Variants in JARID2 observed in about 807,000 individuals in gnomAD.
The protein encoded by JARID2 is jumonji and AT-rich interaction domain containing 2.
Under a neutral mutation model 125.6 loss-of-function variants are expected in JARID2, and 21 were observed. That is an observed-to-expected ratio of 0.17 (90% CI 0.12 to 0.24). The LOEUF is 0.24. JARID2 is among the 10% of genes least tolerant of loss of function. The probability of loss-of-function intolerance (pLI) is 1.00; values close to 1 mark genes in which losing one functional copy is unlikely to be tolerated. For synonymous variants in JARID2, 736 were observed against 661.6 expected (o/e 1.11, Z -1.73); for missense variants, 1,303 against 1,639.6 (o/e 0.79, Z 3.55).
At chr6:15,492,618 G>A (rs576398519) in intron 6 of JARID2, among the ~76,000 whole-genome samples, 1 of 152,322 alleles carries the variant, frequency 6.6e-6, no homozygotes, top group East Asian at 1.9e-4. Flanking sequence ...GGTGGTGCTG[G>A]CTGGGTTGTT....
At chr6:15,362,508 G>T (rs1364656963) in intron 1 of JARID2, among the ~76,000 whole-genome samples, 1 of 152,200 alleles carries the variant, frequency 6.6e-6, no homozygotes, top group Non-Finnish European at 1.5e-5. Context: ...TGGACACGGG[G>T]TCTGACGATG....
intron 3 of JARID2, among the ~76,000 whole-genome samples, chr6:15,441,991 A>C (rs533472302): frequency 6.6e-6 from 1 of 152,088 alleles, no homozygotes; most frequent in African/African-American, 2.4e-5. Context: ...CATGTTAGTC[A>C]GGCTGGTCTC....
chr6:15,406,126 C>T (rs954795706), intron 2 of JARID2, among the ~76,000 whole-genome samples: 4 of 152,132 alleles, frequency 2.6e-5, no homozygotes, highest in Non-Finnish European at 4.4e-5. Context: ...CTTGCGCCTT[C>T]GTAAGGGCCA....
At chr6:15,352,372 G>T (rs900992325) in intron 1 of JARID2, among the ~76,000 whole-genome samples, 2 of 152,038 alleles carry the variant, frequency 1.3e-5, no homozygotes, top group African/African-American at 4.8e-5. Flanking sequence ...GCTGTTTCCT[G>T]ATAACGTGCA....
chr6:15,499,405 G>A (rs1321250550), intron 7 of JARID2, among the ~76,000 whole-genome samples: 1 of 152,216 alleles, frequency 6.6e-6, no homozygotes, highest in Non-Finnish European at 1.5e-5. Context: ...AGGATTCCAT[G>A]AAGAATTCTT....
chr6:15,457,870 C>T (rs986990484), intron 4 of JARID2, among the ~76,000 whole-genome samples: 6 of 152,154 alleles, frequency 3.9e-5, no homozygotes, highest in African/African-American at 1.4e-4. Context: ...AAATCTAAAA[C>T]AAATTTGTTT....
chr6:15,463,287 A>AG (rs924434844), intron 4 of JARID2, among the ~76,000 whole-genome samples: 1 of 152,196 alleles, frequency 6.6e-6, no homozygotes, highest in Non-Finnish European at 1.5e-5. Context: ...GAGTTTGTAA[A>AG]GGAGTGATAT....
chr6:15,392,528 G>A (rs970703267), intron 2 of JARID2, among the ~76,000 whole-genome samples: 1 of 152,104 alleles, frequency 6.6e-6, no homozygotes, highest in African/African-American at 2.4e-5. Flanking sequence ...CTGCAGACAT[G>A]TTGGTCAGCA....
chr6:15,454,665 G>A (rs1366950977), intron 4 of JARID2, among the ~76,000 whole-genome samples: 2 of 148,396 alleles, frequency 1.3e-5, no homozygotes, highest in Non-Finnish European at 3.0e-5. Context: ...TTTTTTGGTA[G>A]AGAAGGAGTC....
chr6:15,288,304 G>A (rs1448384944), intron 1 of JARID2, among the ~76,000 whole-genome samples: 1 of 131,810 alleles, frequency 7.6e-6, no homozygotes, highest in African/African-American at 3.0e-5. Flanking sequence ...GTCAGGAGGT[G>A]GGGGTTGGAG....
chr6:15,248,706 G>A (rs989707574), intron 1 of JARID2: 2 of 159,786 alleles, frequency 1.3e-5, no homozygotes, highest in Non-Finnish European at 2.7e-5. Flanking sequence ...CGCGGCGCTC[G>A]GTTCCCCGAC....
In JARID2 at chr6:15,370,518, C is replaced by G. The variant is rs1207149093; in HGVS notation, c.46-3599C>G. 2.6e-5 allele frequency among the ~76,000 whole-genome samples: 4 copies of G among 151,706 alleles called. No individual in the cohort carries two copies. The East Asian group carries it at 7.8e-4, about 30-fold the overall frequency. Reference sequence around the variant, plus strand: ...ACGCCCGGCTAATATTTTGTATTTTCTTTTAGTAGAGACAGGGTTTCACCG... The same window carrying G: ...ACGCCCGGCTAATATTTTGTATTTTGTTTTAGTAGAGACAGGGTTTCACCG... On this transcript the variant is annotated intron_variant, in intron 1 of 17. Coordinates refer to ENST00000341776, the MANE Select transcript of JARID2 (RefSeq NM_004973.4).
rs1762413446 is a variant in JARID2, at chr6:15,323,141, TACGAAAC to T, written c.46-50975_46-50969del. Among the ~76,000 whole-genome samples, 11 of 152,376 alleles carry T rather than the reference TACGAAAC, an allele frequency of 7.2e-5. 1 individual carries two copies. The highest frequency in any genetic ancestry group is 2.6e-4 in the African/African-American group (11 of 41,598). The stretch of plus-strand genomic sequence containing the variant: ...GCTGTTTTTCTTTTGCACTCTGTGG[TACGAAAC>T]CTCTTAGCTCTGTGTGGGTGGTGGG... On this transcript the variant is annotated intron_variant, in intron 1 of 17. Transcript: ENST00000341776.
intron 1 of JARID2, among the ~76,000 whole-genome samples, chr6:15,366,824 G>GC (rs1763996897): frequency 6.6e-6 from 1 of 152,070 alleles, no homozygotes; most frequent in Non-Finnish European, 1.5e-5. Flanking sequence ...TCACCAGGTT[G>GC]TTATTTAAAA....
chr6:15,285,625 T>G (rs759256707), intron 1 of JARID2, among the ~76,000 whole-genome samples: 9 of 152,200 alleles, frequency 5.9e-5, no homozygotes, highest in Non-Finnish European at 1.2e-4. Flanking sequence ...ATTGCTTTCA[T>G]GCGTGGACTT....
chr6:15,273,667 C>T (rs1760385601), intron 1 of JARID2, among the ~76,000 whole-genome samples: 1 of 152,208 alleles, frequency 6.6e-6, no homozygotes, highest in South Asian at 2.1e-4. Context: ...TGCCATTGCA[C>T]TCCAGCCTGT....
intron 1 of JARID2, among the ~76,000 whole-genome samples, chr6:15,273,158 C>T (rs1233291209): frequency 1.3e-5 from 2 of 152,086 alleles, no homozygotes; most frequent in Non-Finnish European, 2.9e-5. Flanking sequence ...ATGCCTTATG[C>T]CTGGAAACAT....
intron 2 of JARID2, among the ~76,000 whole-genome samples, chr6:15,400,371 C>CA (rs1314120695): frequency 1.3e-5 from 2 of 149,062 alleles, no homozygotes; most frequent in Non-Finnish European, 3.0e-5. Flanking sequence ...GTTTCCCAGC[C>CA]AAAAAAACAA....
chr6:15,261,078 A>G (rs1331543398), intron 1 of JARID2, among the ~76,000 whole-genome samples: 3 of 152,348 alleles, frequency 2.0e-5, no homozygotes, highest in African/African-American at 4.8e-5. Context: ...AAGGAAGGCC[A>G]TTATCTTTGA....
Sources: gnomAD v4.1 joint callset for allele counts (sites outside exome capture counted in the v4.1 genomes callset) on GRCh38, gnomAD v4.1.1 for gene constraint, MANE v1.5 for transcripts, NCBI Gene and HGNC (gene_info 2026-07-23, HGNC 2026-07-21) for gene names.